LRP8: variants seen among roughly 807,000 people sequenced by gnomAD.
LRP8 encodes the protein low-density lipoprotein receptor-related protein 8.
LRP8 carries 46 observed loss-of-function variants against 111.6 expected under a neutral mutation model. The observed-to-expected ratio is 0.41, with a 90% CI of 0.33 to 0.53. The LOEUF (loss-of-function observed/expected upper bound fraction) is 0.53. LRP8 is among the 20% of genes least tolerant of loss of function. LRP8 has a pLI of 0.20. For missense variants in LRP8, 959 were observed against 1,297.4 expected (o/e 0.74, Z 4.01); for synonymous variants, 464 against 511.2 (o/e 0.91, Z 1.24).
At chr1:53,256,436 G>C (rs1646091027) in intron 15 of LRP8, among the ~76,000 whole-genome samples, 2 of 152,236 alleles carry the variant, frequency 1.3e-5, no homozygotes, top group South Asian at 2.1e-4. Flanking sequence ...TCAGATGAGA[G>C]GAACTGGAAT....
At chr1:53,324,364 T>C (rs1654879306) in intron 2 of LRP8, among the ~76,000 whole-genome samples, 1 of 152,188 alleles carries the variant, frequency 6.6e-6, no homozygotes, top group African/African-American at 2.4e-5. Flanking sequence ...ACTCCGTTTC[T>C]TCAGTTTCCC....
intron 4 of LRP8, among the ~76,000 whole-genome samples, chr1:53,278,627 G>A (rs1490664524): frequency 2.0e-5 from 3 of 152,050 alleles, no homozygotes; most frequent in Non-Finnish European, 2.9e-5. Flanking sequence ...AGCACATGCT[G>A]CCACTGCCAC....
chr1:53,247,728 G>T (rs1335515266), intron 18 of LRP8, among the ~76,000 whole-genome samples: 1 of 152,182 alleles, frequency 6.6e-6, no homozygotes, highest in African/African-American at 2.4e-5. Context: ...AAATTTGTTT[G>T]TTTATATCTT....
intron 2 of LRP8, among the ~76,000 whole-genome samples, chr1:53,299,347 A>G (rs1650363702): frequency 6.6e-6 from 1 of 152,204 alleles, no homozygotes; most frequent in Non-Finnish European, 1.5e-5. Context: ...AGCCCTGGCT[A>G]GTGAAAAACG....
rs61769633 is a variant in LRP8, at chr1:53,295,275, G to A, written c.245-5586C>T. Among the ~76,000 whole-genome samples the A allele has an allele frequency of 9.6e-3, 1,462 of 152,312 alleles. 14 individuals carry two copies. The highest frequency in any genetic ancestry group is 0.05 in the South Asian group (242 of 4,830). Reference sequence around the variant, plus strand: ...CAGGGAAGAGCATTCCAGGAGGAAGGATAATGGGGCTTAGGGGCATGGAGG... The same window carrying A: ...CAGGGAAGAGCATTCCAGGAGGAAGAATAATGGGGCTTAGGGGCATGGAGG... On this transcript the variant is annotated intron_variant, in intron 2 of 18. Transcript: ENST00000306052.
intron 2 of LRP8, among the ~76,000 whole-genome samples, chr1:53,295,848 C>A (rs1448422246): frequency 1.3e-5 from 2 of 152,152 alleles, no homozygotes; most frequent in Non-Finnish European, 2.9e-5. Context: ...GTCCAATGAA[C>A]CACACCTAGG....
chr1:53,280,808 C>T, intron 3 of LRP8, 93 bp from the exon 4 acceptor site: 1 of 1,521,174 alleles, frequency 6.6e-7, no homozygotes, highest in Non-Finnish European at 8.9e-7. Context: ...CCATCTGGTC[C>T]AAGGCCCTAG....
At chr1:53,302,679 C>T (rs1434852653) in intron 2 of LRP8, among the ~76,000 whole-genome samples, 1 of 149,922 alleles carries the variant, frequency 6.7e-6, no homozygotes, top group African/African-American at 2.5e-5. Flanking sequence ...AGCCATATGA[C>T]CTTGGGCCAA....
At chr1:53,274,557 C>A in intron 6 of LRP8, 1 of 393,988 alleles carries the variant, frequency 2.5e-6, no homozygotes, top group South Asian at 1.8e-5. Flanking sequence ...CCATGTGAAG[C>A]CATAGGACGG....
chr1:53,285,706 GA>G (rs1440508365), intron 3 of LRP8, among the ~76,000 whole-genome samples: 1 of 152,174 alleles, frequency 6.6e-6, no homozygotes, highest in East Asian at 1.9e-4. Context: ...CACCACTGGG[GA>G]ATGCACATTA....
intron 6 of LRP8, among the ~76,000 whole-genome samples, chr1:53,272,239 T>G (rs1252444076): frequency 5.3e-5 from 8 of 152,170 alleles, no homozygotes; most frequent in Non-Finnish European, 5.9e-5. Flanking sequence ...GATTACCACC[T>G]GCTGCAAGAG....
At chr1:53,309,120 C>T (rs1652534540) in intron 2 of LRP8, among the ~76,000 whole-genome samples, 2 of 152,110 alleles carry the variant, frequency 1.3e-5, no homozygotes. Flanking sequence ...ACTAAAAATA[C>T]AAAAATTAGC....
intron 1 of LRP8, 53 bp from the exon 2 acceptor site, chr1:53,327,045 A>C: frequency 6.3e-7 from 1 of 1,598,476 alleles, no homozygotes; most frequent in East Asian, 2.3e-5. Flanking sequence ...CCCACTCCCC[A>C]CCATGCAGTC....
Position 53,243,100 on chromosome 1 carries a change from G to C in LRP8, c.*3918C>G, listed in dbSNP as rs1645670811. The C allele has an allele frequency of 6.6e-6, 1 of 152,078 alleles. No individual in the cohort carries two copies. Among genetic ancestry groups the C allele is most frequent in the Admixed American group, 6.6e-5 (1 of 15,264 alleles). The allele number at this position is 152,078 out of a possible 1,614,324, so 9.4% of individuals were successfully genotyped here. A position where few individuals can be genotyped will look rare whatever the true frequency, so the allele number is the denominator to read the frequency against. Reference sequence around the variant, plus strand: ...TCTATCTTCATGCATTTCGGGAAAAGGAATTATTTACTCTGAAACATTTAA... The same window carrying C: ...TCTATCTTCATGCATTTCGGGAAAACGAATTATTTACTCTGAAACATTTAA... On this transcript the variant is annotated 3_prime_UTR_variant, in exon 19 of 19. Coordinates refer to ENST00000306052, the MANE Select transcript of LRP8 (RefSeq NM_004631.5).
At chr1:53,270,226 C>T (rs906374098) in intron 8 of LRP8, among the ~76,000 whole-genome samples, 1 of 152,116 alleles carries the variant, frequency 6.6e-6, no homozygotes, top group Non-Finnish European at 1.5e-5. Flanking sequence ...AAATCTCACA[C>T]CTAGAGACCA....
intron 2 of LRP8, among the ~76,000 whole-genome samples, chr1:53,301,666 G>A (rs1237106051): frequency 6.6e-6 from 1 of 151,966 alleles, no homozygotes; most frequent in Non-Finnish European, 1.5e-5. Flanking sequence ...GGGAGGTTGA[G>A]GCTGCAGTGA....
rs1320989585 is a variant in LRP8 at position 53,245,692 on chromosome 1, A to G, written c.*1326T>C. 1 of 152,680 alleles carries G rather than the reference A, an allele frequency of 6.5e-6. No individual in the cohort carries two copies. Among genetic ancestry groups the G allele is most frequent in the Admixed American group, 6.5e-5 (1 of 15,286 alleles). 9.5% of individuals were successfully genotyped at this position (152,680 alleles called of 1,614,324 possible). On this transcript the variant is annotated 3_prime_UTR_variant, in exon 19 of 19. Coordinates refer to ENST00000306052, the MANE Select transcript of LRP8 (RefSeq NM_004631.5). ...CCAGTTGTTCTGACTTAAGCCAAAA[A>G]TTAGTTTCATCTATATGAACATATG...
chr1:53,305,222 G>A (rs1651715758), intron 2 of LRP8: 1 of 152,230 alleles, frequency 6.6e-6, no homozygotes, highest in Admixed American at 6.5e-5. Flanking sequence ...GCGACCTCAG[G>A]CAGGCTACCT....
chr1:53,307,712 C>A (rs576390431), intron 2 of LRP8, among the ~76,000 whole-genome samples: 206 of 152,338 alleles, frequency 1.4e-3, no homozygotes, highest in African/African-American at 4.8e-3. Context: ...GATTTTCTTG[C>A]CTCTCCCATG....
Sources: allele counts gnomAD v4.1 joint callset (sites outside exome capture counted in the v4.1 genomes callset), GRCh38; gene constraint gnomAD v4.1.1; transcripts MANE v1.5; gene names NCBI Gene and HGNC (gene_info 2026-07-23, HGNC 2026-07-21).